CRMP1: variants seen among roughly 807,000 people sequenced by gnomAD.
CRMP1 encodes the protein collapsin response mediator protein 1, also known as dihydropyrimidinase-related protein 1.
In CRMP1, 19 loss-of-function variants were observed where a neutral mutation model predicts 68.3. That is an observed-to-expected ratio of 0.28 (90% CI 0.19 to 0.41). CRMP1 has a LOEUF of 0.41. CRMP1 is among the 10% of genes least tolerant of loss of function. The probability of loss-of-function intolerance (pLI) is 1.00; values close to 1 mark genes in which losing one functional copy is unlikely to be tolerated. For missense variants in CRMP1, 791 were observed against 967.4 expected (o/e 0.82, Z 2.42); for synonymous variants, 439 against 399.6 (o/e 1.10, Z -1.18).
chr4:5,834,194 CCAGATGGCGGTAGGA>C lies in CRMP1; in HGVS notation c.1623+1706_1623+1720del. ...GTGAAGCAAGGGGCAGCTCCCACAG[CCAGATGGCGGTAGGA>C]GTGCACACCCTGTGCTATGGTTGGA... On this transcript the variant is annotated intron_variant, in intron 11 of 13. Transcript: ENST00000324989. This position sits in a 1 kb window ranked among gnomAD's most constrained non-coding sequence, Gnocchi z 4.3. 6.6e-6 allele frequency among the ~76,000 whole-genome samples: 1 copy of C among 152,220 alleles called. No individual in the cohort carries two copies. Among genetic ancestry groups the C allele is most frequent in the Admixed American group, 6.5e-5 (1 of 15,284 alleles).
At chr4:5,826,641 G>A (rs1002993230) in intron 12 of CRMP1, 2 of 152,300 alleles carry the variant, frequency 1.3e-5, no homozygotes, top group Non-Finnish European at 2.9e-5. Flanking sequence ...GGCCAAGGTT[G>A]GGAGGGCACC....
chr4:5,888,691 T>G lies in CRMP1; in HGVS notation c.381+3898A>C. The G allele has an allele frequency of 1.2e-6, 1 of 861,088 alleles. No homozygotes were observed. The highest frequency in any genetic ancestry group is 2.1e-5 in the African/African-American group (1 of 48,408). 53.3% of individuals were successfully genotyped at this position (861,088 alleles called of 1,614,324 possible). ...CTGCGCACACGCCCTTGGCGGGCCC[T>G]GGCCTCGCTCTCGCGATCCAGAGAG... On this transcript the variant is annotated intron_variant, in intron 1 of 13. Coordinates refer to ENST00000324989, the MANE Select transcript of CRMP1 (RefSeq NM_001014809.3). The surrounding 1 kb of genome is among the most constrained non-coding windows in gnomAD (Gnocchi z 6.4).
In CRMP1 at chr4:5,891,866, G is replaced by A. The variant is rs1025083596; in HGVS notation, c.381+723C>T. On this transcript the variant is annotated intron_variant, in intron 1 of 13. Transcript: ENST00000324989. This position sits in a 1 kb window ranked among gnomAD's most constrained non-coding sequence, Gnocchi z 5.2. ...TCCTCCCGGCCCCATGCTCAGGTCC[G>A]GGAGGCCAGAGACCCCAGTTCAAAT... Among the ~76,000 whole-genome samples, 4 of 152,278 alleles carry A rather than the reference G, an allele frequency of 2.6e-5. No individual in the cohort carries two copies. The highest frequency in any genetic ancestry group is 2.6e-4 in the Admixed American group (4 of 15,300).
At position 5,825,585 on chromosome 4, in the gene CRMP1, A is replaced by G. The variant is rs201285475; in HGVS notation, c.1878T>C (p.Tyr626=). 523 of 1,602,570 alleles carry G rather than the reference A, an allele frequency of 3.3e-4. 3 individuals are homozygous for G. The East Asian group carries it at 9.3e-3, about 29-fold the overall frequency. ...ATTTGGCTGAAGGAGCGGGAGTTGC[A>G]TATTTGGGTGTAGCTGGTACCTCGT... ...PVYEVPATPK[Y]ATPAPSAKSS... is the part of the protein sequence containing the mutation. The change falls in exon 13 of 14, where the codon TAT becomes TAC. Residue 626 remains tyrosine, a synonymous_variant. Coordinates refer to ENST00000324989, the MANE Select transcript of CRMP1 (RefSeq NM_001014809.3). The surrounding 1 kb of genome is among the most constrained non-coding windows in gnomAD (Gnocchi z 4.4).
rs58583102 is a variant in CRMP1, at chr4:5,891,175, TAC to T, written c.381+1412_381+1413del. ...TGATCACCCCACCACCACACACACA[TAC>T]ACACACACACACACACACACACACA... On this transcript the variant is annotated intron_variant, in intron 1 of 13. Coordinates refer to ENST00000324989, the MANE Select transcript of CRMP1 (RefSeq NM_001014809.3). The surrounding 1 kb of genome is among the most constrained non-coding windows in gnomAD (Gnocchi z 5.2). Among the ~76,000 whole-genome samples, 2,429 of 132,012 alleles carry T rather than the reference TAC, an allele frequency of 0.018. 75 individuals carry two copies. Among genetic ancestry groups the T allele is most frequent in the African/African-American group, 0.058 (1,990 of 34,466 alleles). 86.6% of individuals were successfully genotyped at this position (132,012 alleles called of 152,430 possible). A position where few individuals can be genotyped will look rare whatever the true frequency, so the allele number is the denominator to read the frequency against.
Position 5,834,929 on chromosome 4 carries a change from T to C in CRMP1, c.1623+986A>G, listed in dbSNP as rs1720632241. On this transcript the variant is annotated intron_variant, in intron 11 of 13. Transcript: ENST00000324989. The surrounding 1 kb of genome is among the most constrained non-coding windows in gnomAD (Gnocchi z 4.3). ...CCGAGACCTCTGCTTCTGCAGGCCA[T>C]GTCTGTGGCAGCCAATGGATACTCC... Among the ~76,000 whole-genome samples, 1 of 152,208 alleles carries C rather than the reference T, an allele frequency of 6.6e-6. No homozygotes were observed.
In CRMP1 at chr4:5,889,542, G is replaced by T. The variant is rs1715843368; in HGVS notation, c.381+3047C>A. 6.5e-7 allele frequency: 1 copy of T among 1,531,254 alleles called. No homozygotes were observed. The highest frequency in any genetic ancestry group is 1.2e-5 in the South Asian group (1 of 83,974). The allele number at this position is 1,531,254 out of a possible 1,614,324, so 94.9% of individuals were successfully genotyped here. A position where few individuals can be genotyped will look rare whatever the true frequency, so the allele number is the denominator to read the frequency against. ...CAGCAGAGGGGAAAAGATGAAAGAA[G>T]ATGGAGGAAAAGGGGGAGCCCCAGC... On this transcript the variant is annotated intron_variant, in intron 1 of 13. Coordinates refer to ENST00000324989, the MANE Select transcript of CRMP1 (RefSeq NM_001014809.3). The surrounding 1 kb of genome is among the most constrained non-coding windows in gnomAD (Gnocchi z 4.5).
rs1001410569 is a variant in CRMP1, at chr4:5,870,467, C to T, written c.382-3711G>A. Among the ~76,000 whole-genome samples the T allele has an allele frequency of 6.6e-6, 1 of 152,258 alleles. No individual in the cohort carries two copies. Among genetic ancestry groups the T allele is most frequent in the Non-Finnish European group, 1.5e-5 (1 of 68,046 alleles). Reference sequence around the variant, plus strand: ...GGGACGGCACTGCCTGGAGTTTGCACAGCACTTGTCTTTACTAGACCGTGA... The same window carrying T: ...GGGACGGCACTGCCTGGAGTTTGCATAGCACTTGTCTTTACTAGACCGTGA... On this transcript the variant is annotated intron_variant, in intron 1 of 13. Transcript: ENST00000324989. The surrounding 1 kb of genome is among the most constrained non-coding windows in gnomAD (Gnocchi z 6.0).
At position 5,828,537 on chromosome 4, in the gene CRMP1, C is replaced by A. The variant is rs903806358; in HGVS notation, c.1755G>T (p.Arg585=). 2 of 1,614,264 alleles carry A rather than the reference C, an allele frequency of 1.2e-6. No homozygotes were observed. Among genetic ancestry groups the A allele is most frequent in the African/African-American group, 1.3e-5 (1 of 75,078 alleles). Residue 585 remains arginine, a synonymous_variant, in exon 12 of 14, where the codon CGG becomes CGT. Transcript: ENST00000324989. The part of the protein sequence containing the change: ...VNKGMGRFIP[R]KAFPEHLYQR... ...GGTACAGGTGCTCCGGGAACGCCTT[C>A]CGCGGAATGAAGCGGCCCATGCCCT...
Position 5,836,002 on chromosome 4 carries a change from T to C in CRMP1, c.1536A>G (p.Lys512=), listed in dbSNP as rs1311563184. ...AAKIFNLYPR[K]GRIAVGSDAD... is the part of the protein sequence containing the mutation. Reference sequence around the variant, plus strand: ...CATCCGAGCCCACGGCAATCCGCCCTTTCCTTGGGTACAGGTTAAAGATCT... The same window carrying C: ...CATCCGAGCCCACGGCAATCCGCCCCTTCCTTGGGTACAGGTTAAAGATCT... Residue 512 remains lysine (K), a synonymous_variant, in exon 11 of 14, where the codon AAA becomes AAG. Transcript: ENST00000324989. 4 of 1,607,318 alleles carry C rather than the reference T, an allele frequency of 2.5e-6. No individual in the cohort carries two copies. Among genetic ancestry groups the C allele is most frequent in the Non-Finnish European group, 3.4e-6 (4 of 1,176,734 alleles).
intron 12 of CRMP1, chr4:5,828,028 C>A (rs1719960338): frequency 1.0e-6 from 1 of 985,166 alleles, no homozygotes; most frequent in African/African-American, 1.7e-5. Flanking sequence ...AAGGGCGGAT[C>A]TGAAGGAAGC....
In CRMP1 at chr4:5,860,772, T is replaced by G. The variant is rs60618071; in HGVS notation, c.655+254A>C. ...TATATCAATGAGATGTTGTTTTATT[T>G]CAATATTTTAAAAATAATTTTTTAA... On this transcript the variant is annotated intron_variant, in intron 3 of 13. Coordinates refer to ENST00000324989, the MANE Select transcript of CRMP1 (RefSeq NM_001014809.3). This position sits in a 1 kb window ranked among gnomAD's most constrained non-coding sequence, Gnocchi z 4.2. 0.1 allele frequency among the ~76,000 whole-genome samples: 15,976 copies of G among 152,226 alleles called. 966 individuals are homozygous for G. Among genetic ancestry groups the G allele is most frequent in the Admixed American group, 0.16 (2,507 of 15,286 alleles).
chr4:5,865,151 C>T lies in CRMP1; in HGVS notation c.470+1517G>A, dbSNP rs951302201. ...TGTTAACAGTATCAATCCCTTTCTG[C>T]CTTCCCCTTGCTCCAATTCCCCTCT... On this transcript the variant is annotated intron_variant, in intron 2 of 13. Transcript: ENST00000324989. This position sits in a 1 kb window ranked among gnomAD's most constrained non-coding sequence, Gnocchi z 4.1. Among the ~76,000 whole-genome samples, 60 of 152,112 alleles carry T rather than the reference C, an allele frequency of 3.9e-4. No homozygotes were observed. The highest frequency in any genetic ancestry group is 8.8e-5 in the Non-Finnish European group (6 of 68,040).
chr4:5,830,018 T>C (rs1720245819), intron 11 of CRMP1, among the ~76,000 whole-genome samples: 1 of 152,194 alleles, frequency 6.6e-6, no homozygotes, highest in Admixed American at 6.5e-5. Flanking sequence ...ACAGTATCTA[T>C]GTATATTAAA....
rs767943618 is a variant in CRMP1, at chr4:5,825,862, TAC to T, written c.1804-205_1804-204del. The T allele has an allele frequency of 0.01, 5,759 of 552,852 alleles. 56 individuals are homozygous for T. The highest frequency in any genetic ancestry group is 0.013 in the Non-Finnish European group (4,130 of 316,646). 34.2% of individuals were successfully genotyped at this position (552,852 alleles called of 1,614,324 possible). A position where few individuals can be genotyped will look rare whatever the true frequency, so the allele number is the denominator to read the frequency against. ...AGGCATTCATACACACAAGCATGCA[TAC>T]ACACACATCTACATACCCACATGCA... On this transcript the variant is annotated intron_variant, in intron 12 of 13. Transcript: ENST00000324989. This position sits in a 1 kb window ranked among gnomAD's most constrained non-coding sequence, Gnocchi z 4.4.
Position 5,872,195 on chromosome 4 carries a change from C to T in CRMP1, c.382-5439G>A, listed in dbSNP as rs1028169013. The stretch of plus-strand genomic sequence containing the variant: ...CCTTGCCTTCTAAGGCTGCCTTTCT[C>T]ATGCAGGAAATATGAGTGCACAGAA... On this transcript the variant is annotated intron_variant, in intron 1 of 13. Transcript: ENST00000324989. This position sits in a 1 kb window ranked among gnomAD's most constrained non-coding sequence, Gnocchi z 4.6. 2.6e-5 allele frequency among the ~76,000 whole-genome samples: 4 copies of T among 152,108 alleles called. No individual in the cohort carries two copies. The highest frequency in any genetic ancestry group is 4.8e-5 in the African/African-American group (2 of 41,410).
rs933697324 is a variant in CRMP1 at position 5,893,053 on chromosome 4, C to A, written c.-84G>T. On this transcript the variant is annotated 5_prime_UTR_variant, in exon 1 of 14. Coordinates refer to ENST00000324989, the MANE Select transcript of CRMP1 (RefSeq NM_001014809.3). ...CCGCCGTGCGCCGCGCTCCGCGCCT[C>A]GGTGCGGGCCTGCGGCGGCCCGGGC... 1.5e-4 allele frequency: 136 copies of A among 927,510 alleles called. 1 individual carries two copies. Among genetic ancestry groups the A allele is most frequent in the East Asian group, 1.9e-4 (2 of 10,268 alleles). 57.5% of individuals were successfully genotyped at this position (927,510 alleles called of 1,614,324 possible).
intron 12 of CRMP1, chr4:5,826,453 G>A (rs1161596514): frequency 6.6e-6 from 1 of 152,636 alleles, no homozygotes; most frequent in Non-Finnish European, 1.5e-5. Flanking sequence ...GATGCTGTGG[G>A]GAGGACACCT....
intron 3 of CRMP1, among the ~76,000 whole-genome samples, chr4:5,856,547 CATT>C (rs1474442057): frequency 6.6e-5 from 10 of 151,400 alleles, no homozygotes; most frequent in South Asian, 2.1e-4. Flanking sequence ...TCATCATCAT[CATT>C]ACCATTATCA....
Sources: gnomAD v4.1 joint callset for allele counts (sites outside exome capture counted in the v4.1 genomes callset) on GRCh38, gnomAD v4.1.1 for gene constraint, Gnocchi (gnomAD v3.1) non-coding constraint, MANE v1.5 for transcripts, NCBI Gene and HGNC (gene_info 2026-07-23, HGNC 2026-07-21) for gene names.